Variants in SLC2A9 observed in about 807,000 individuals in gnomAD.
The protein encoded by SLC2A9 is solute carrier family 2, facilitated glucose transporter member 9.
In SLC2A9, 39 loss-of-function variants were observed where a neutral mutation model predicts 50.6. The ratio of observed to expected loss-of-function variants is 0.77; its 90% CI spans 0.60 to 1.01. The LOEUF is 1.01. SLC2A9 is among the 50% of genes least tolerant of loss of function. SLC2A9 has a pLI of 0.00. For synonymous variants in SLC2A9, 324 were observed against 276.9 expected (o/e 1.17, Z -1.69); for missense variants, 686 against 677.6 (o/e 1.01, Z -0.14).
At chr4:9,781,943 A>C in intron 3 of SLC2A9, 1 of 1,191,998 alleles carries the variant, frequency 8.4e-7, no homozygotes, top group Non-Finnish European at 1.1e-6. Context: ...GAGGGGGCGC[A>C]TCCTCGGGGT....
intron 3 of SLC2A9, among the ~76,000 whole-genome samples, chr4:9,993,714 C>T (rs1758104237): frequency 6.6e-6 from 1 of 151,964 alleles, no homozygotes; most frequent in Admixed American, 6.6e-5. Context: ...ACAGAGGATG[C>T]TAAATGGGTC....
At chr4:9,822,566 T>C (rs1724552096), downstream of SLC2A9, among the ~76,000 whole-genome samples, 1 of 152,228 alleles carries the variant, frequency 6.6e-6, no homozygotes, top group South Asian at 2.1e-4. Context: ...TTAACCTATC[T>C]ATATCATTAT....
chr4:9,895,795 T>C (rs1028520859), intron 8 of SLC2A9, among the ~76,000 whole-genome samples: 1 of 152,356 alleles, frequency 6.6e-6, no homozygotes, highest in African/African-American at 2.4e-5. Flanking sequence ...AATTAGGATA[T>C]TGAACATTTC....
chr4:9,845,434 T>TTTTTTTTTTTTTTTTC (rs1560183696), intron 10 of SLC2A9, among the ~76,000 whole-genome samples: 11 of 132,296 alleles, frequency 8.3e-5, no homozygotes, highest in African/African-American at 3.2e-4. Context: ...TTTCTTTTTT[T>TTTTTTTTTTTTTTTTC]TTTTTTTTTT....
rs540318607 is a variant in SLC2A9 at position 9,951,289 on chromosome 4, A to C, written c.682-9244T>G. On this transcript the variant is annotated intron_variant, in intron 5 of 11. Coordinates refer to ENST00000264784, the MANE Select transcript of SLC2A9 (RefSeq NM_020041.3). ...CTCACTTATATGTGGAAGCTAAAAA[A>C]TTTGATCATATGGATGTGGAGAGTG... Among the ~76,000 whole-genome samples, 3 of 150,010 alleles carry C rather than the reference A, an allele frequency of 2.0e-5. No homozygotes were observed. In the East Asian group the frequency reaches 5.8e-4, roughly 29 times the overall value.
intron 2 of SLC2A9, among the ~76,000 whole-genome samples, chr4:9,999,656 T>C (rs1759415882): frequency 6.6e-6 from 1 of 152,128 alleles, no homozygotes; most frequent in Non-Finnish European, 1.5e-5. Flanking sequence ...GCAGGTCATG[T>C]GGGCCTGATA....
At chr4:9,773,318 T>A (rs1466644651) in intron 1 of SLC2A9, among the ~76,000 whole-genome samples, 1 of 152,116 alleles carries the variant, frequency 6.6e-6, no homozygotes, top group Non-Finnish European at 1.5e-5. Context: ...GCAGGGCTGG[T>A]GGCTGGGAGC....
chr4:9,946,660 G>T (rs1204682460), intron 5 of SLC2A9, among the ~76,000 whole-genome samples: 1 of 152,158 alleles, frequency 6.6e-6, no homozygotes, highest in African/African-American at 2.4e-5. Flanking sequence ...TTCTAATAAT[G>T]GCTTACATTG....
At chr4:10,004,833 T>C (rs1466248621) in intron 2 of SLC2A9, among the ~76,000 whole-genome samples, 1 of 152,226 alleles carries the variant, frequency 6.6e-6, no homozygotes, top group Non-Finnish European at 1.5e-5. Context: ...GCTTTCCTTT[T>C]ATGTGTTGGG....
At chr4:9,871,259 T>G (rs1446308873) in intron 10 of SLC2A9, among the ~76,000 whole-genome samples, 1 of 152,156 alleles carries the variant, frequency 6.6e-6, no homozygotes, top group Non-Finnish European at 1.5e-5. Context: ...TGTAGAGGAT[T>G]AGGAAATACT....
At chr4:9,961,007 T>C (rs1007456071) in intron 5 of SLC2A9, among the ~76,000 whole-genome samples, 2 of 152,212 alleles carry the variant, frequency 1.3e-5, no homozygotes, top group Non-Finnish European at 2.9e-5. Context: ...CTTTTAATCA[T>C]TGCATTAACT....
rs1351292097 is a variant in SLC2A9 at position 9,826,571 on chromosome 4, G to C, written c.1449C>G (p.Val483=). ...QKSLDTYCFL[V]FATICITGAI... ...CACCTGTGATACAAATTGTAGCAAA[G>C]ACTAGGAAACAGTAGGTGTCCAGAC... The change falls in exon 12 of 12, where the codon GTC becomes GTG. Residue 483 remains valine (V), a synonymous_variant. Transcript: ENST00000264784. 6.2e-7 allele frequency: 1 copy of C among 1,614,068 alleles called. No homozygotes were observed. The highest frequency in any genetic ancestry group is 1.7e-5 in the Admixed American group (1 of 60,020).
intron 6 of SLC2A9, among the ~76,000 whole-genome samples, chr4:9,934,076 A>T (rs1257971983): frequency 6.6e-6 from 1 of 152,182 alleles, no homozygotes; most frequent in Admixed American, 6.5e-5. Context: ...TTCCTTCATC[A>T]TGTAACCTAA....
At chr4:9,829,468 T>A (rs1725682902) in intron 11 of SLC2A9, among the ~76,000 whole-genome samples, 4 of 51,346 alleles carry the variant, frequency 7.8e-5, no homozygotes, top group South Asian at 5.1e-4. Flanking sequence ...ATGACAAAAA[T>A]GTCAAAAAAA....
chr4:9,916,330 T>C (rs1742842635), intron 7 of SLC2A9, among the ~76,000 whole-genome samples: 1 of 152,166 alleles, frequency 6.6e-6, no homozygotes, highest in East Asian at 1.9e-4. Flanking sequence ...CCAGAACCAA[T>C]GTCACCAGGC....
downstream of SLC2A9, among the ~76,000 whole-genome samples, chr4:9,776,764 T>C (rs1717625657): frequency 6.6e-6 from 1 of 152,174 alleles, no homozygotes; most frequent in Admixed American, 6.5e-5. Context: ...TTAAAGACTG[T>C]AGCATTGAGA....
chr4:9,989,329 G>T (rs1757285143), intron 3 of SLC2A9, among the ~76,000 whole-genome samples: 2 of 152,110 alleles, frequency 1.3e-5, no homozygotes, highest in Admixed American at 1.3e-4. Context: ...CCTCAAGAAG[G>T]GTTAAGGCTC....
intron 10 of SLC2A9, chr4:9,880,325 G>T: frequency 1.0e-6 from 1 of 985,606 alleles, no homozygotes; most frequent in Non-Finnish European, 1.2e-6. Flanking sequence ...AACACAGGGG[G>T]TTGAAGATGG....
chr4:9,775,949 G>A (rs1560268274), downstream of SLC2A9, among the ~76,000 whole-genome samples: 1 of 152,114 alleles, frequency 6.6e-6, no homozygotes, highest in African/African-American at 2.4e-5. Flanking sequence ...GCAGCCGGGG[G>A]AAGAGCTCAG....
Sources: gnomAD v4.1 joint callset for allele counts (sites outside exome capture counted in the v4.1 genomes callset) on GRCh38, gnomAD v4.1.1 for gene constraint, MANE v1.5 for transcripts, NCBI Gene and HGNC (gene_info 2026-07-23, HGNC 2026-07-21) for gene names.